MCRS1: variants seen among roughly 807,000 people sequenced by gnomAD.
The protein encoded by MCRS1 is 58 kDa microspherule protein.
In MCRS1, 22 loss-of-function variants were observed where a neutral mutation model predicts 62.9. That is an observed-to-expected ratio of 0.35 (90% CI 0.25 to 0.50). MCRS1 has a LOEUF of 0.50. Ranked by LOEUF, MCRS1 falls within the 20% of genes least tolerant of loss-of-function variation. The probability of loss-of-function intolerance (pLI) is 0.98; values close to 1 mark genes in which losing one functional copy is unlikely to be tolerated. For synonymous variants in MCRS1, 244 were observed against 233.5 expected (o/e 1.04, Z -0.41); for missense variants, 456 against 601.1 (o/e 0.76, Z 2.52).
Position 49,559,281 on chromosome 12 carries a change from G to C in MCRS1, c.1107C>G (p.Thr369=). 1 of 1,614,136 alleles carries C rather than the reference G, an allele frequency of 6.2e-7. No individual in the cohort carries two copies. The highest frequency in any genetic ancestry group is 1.1e-5 in the South Asian group (1 of 91,082). Residue 369 remains threonine, a synonymous_variant, in exon 13 of 15, where the codon ACC becomes ACG. Coordinates refer to ENST00000343810, the MANE Select transcript of MCRS1 (RefSeq NM_006337.5). The surrounding 1 kb of genome is among the most constrained non-coding windows in gnomAD (Gnocchi z 5.2). The stretch of plus-strand genomic sequence containing the variant: ...GGTCCACATCAATCTGGTTATCCTT[G>C]GTTGCTCTGCCCAGGGTGATCTGGG... ...RSREITLGRA[T]KDNQIDVDLS...
rs370815960 is a variant in MCRS1, at chr12:49,566,164, C to A, written c.62G>T (p.Arg21Leu). ...SSLMASGTAS[R>L]SEDEESLAGQ... ...TGCCAGTGACTCCTCATCCTCTGAGCGGCTGGCAGTGCCTGATGCCATCAG... is the reference window on the plus strand; with the variant it reads ...TGCCAGTGACTCCTCATCCTCTGAGAGGCTGGCAGTGCCTGATGCCATCAG... Residue 21 changes from arginine to leucine, a missense_variant, in exon 3 of 15, where the codon CGC becomes CTC. Coordinates refer to ENST00000343810, the MANE Select transcript of MCRS1 (RefSeq NM_006337.5). 1 of 1,614,156 alleles carries A rather than the reference C, an allele frequency of 6.2e-7. No homozygotes were observed. The highest frequency in any genetic ancestry group is 1.1e-5 in the South Asian group (1 of 91,082).
In MCRS1 at chr12:49,563,566, GA is replaced by G. The variant is rs1938890926; in HGVS notation, c.558-21del. 3 of 1,580,530 alleles carry G rather than the reference GA, an allele frequency of 1.9e-6. No homozygotes were observed. In the East Asian group the frequency reaches 6.7e-5, roughly 35 times the overall value. On this transcript the variant is annotated intron_variant, in intron 6 of 14. Coordinates refer to ENST00000343810, the MANE Select transcript of MCRS1 (RefSeq NM_006337.5). ...GCCAACCTGGACACGGAAAGAGACA[GA>G]GGGGAGGGGTGAAGGAAAGGTGTCA...
chr12:49,560,455 T>G (rs529863737), intron 8 of MCRS1, 85 bp from the exon 9 acceptor site: 15 of 1,245,826 alleles, frequency 1.2e-5, no homozygotes, highest in South Asian at 1.2e-4. Flanking sequence ...GTGGACCAGC[T>G]GCAGACTGCG....
chr12:49,558,316 C>T lies in MCRS1; in HGVS notation c.*327G>A. 2.5e-6 allele frequency: 1 copy of T among 403,682 alleles called. No homozygotes were observed. The highest frequency in any genetic ancestry group is 4.4e-6 in the Non-Finnish European group (1 of 229,776). The allele number at this position is 403,682 out of a possible 1,614,324, so 25.0% of individuals were successfully genotyped here. On this transcript the variant is annotated 3_prime_UTR_variant, in exon 15 of 15. Transcript: ENST00000343810. ...AAATAAACTACTTTGGAACCTGGTG[C>T]TTTTTATTTACAAAAGAAAAACAAT...
chr12:49,560,339 C>G lies in MCRS1; in HGVS notation c.837G>C (p.Leu279=). 3 of 1,614,226 alleles carry G rather than the reference C, an allele frequency of 1.9e-6. No individual in the cohort carries two copies. The highest frequency in any genetic ancestry group is 2.5e-6 in the Non-Finnish European group (3 of 1,180,038). ...TCAGGTCCTCTGCATCAGAGAAGTT[C>G]AGCACTTGGTCCCCTTTGGGCAGCG... is the stretch of plus-strand genomic sequence containing the variant. ...VQPLPKGDQV[L]NFSDAEDLID... Residue 279 remains leucine, a synonymous_variant, in exon 9 of 15, where the codon CTG becomes CTC. Coordinates refer to ENST00000343810, the MANE Select transcript of MCRS1 (RefSeq NM_006337.5).
chr12:49,562,510 G>T (rs942958687), intron 8 of MCRS1, among the ~76,000 whole-genome samples: 1 of 152,142 alleles, frequency 6.6e-6, no homozygotes, highest in South Asian at 2.1e-4. Flanking sequence ...CAGCACTAAC[G>T]GCCTAGTGGG....
chr12:49,559,004 A>C lies in MCRS1; in HGVS notation c.1175-34T>G. The C allele has an allele frequency of 1.2e-6, 2 of 1,600,062 alleles. No individual in the cohort carries two copies. The highest frequency in any genetic ancestry group is 3.3e-4 in the Middle Eastern group (2 of 6,006). On this transcript the variant is annotated intron_variant, in intron 13 of 14. Transcript: ENST00000343810. This position sits in a 1 kb window ranked among gnomAD's most constrained non-coding sequence, Gnocchi z 5.2. ...GCAGAAAGAAAGAAGGGATGATGGG[A>C]TGGGGAGGGATTGATGGGATGGGGA...
chr12:49,563,356 G>T, intron 7 of MCRS1, 82 bp downstream of exon 7: 4 of 1,418,426 alleles, frequency 2.8e-6, no homozygotes, highest in Non-Finnish European at 2.9e-6. Context: ...AGTGGGTGGG[G>T]AGCTCTCCAC....
Position 49,566,838 on chromosome 12 carries a change from G to C in MCRS1, c.-107C>G, listed in dbSNP as rs1318814611. On this transcript the variant is annotated 5_prime_UTR_variant, in exon 2 of 15. In the 5' UTR this introduces an upstream ATG that the reference lacks. Transcript: ENST00000343810. ...CAGGTGAGCTTAAAGGCTGAGAGGA[G>C]ATTCTGCAAAGGAGAAATGAGGCTC... 3.4e-6 allele frequency: 5 copies of C among 1,456,600 alleles called. No homozygotes were observed. In the East Asian group the frequency reaches 9.7e-5, roughly 28 times the overall value. The allele number at this position is 1,456,600 out of a possible 1,614,324, so 90.2% of individuals were successfully genotyped here.
Position 49,566,199 on chromosome 12 carries a change from T to C in MCRS1, c.27A>G (p.Leu9=), listed in dbSNP as rs773768289. The change falls in exon 3 of 15, where the codon CTA becomes CTG. Residue 9 remains leucine (L), a synonymous_variant. Transcript: ENST00000343810. The stretch of plus-strand genomic sequence containing the variant: ...TGCCTGATGCCATCAGGGATGAATC[T>C]AGCAGCCCCTGAGAATCTAGCAAGA... MDKDSQGL[L]DSSLMASGTA... 1.2e-6 allele frequency: 2 copies of C among 1,613,298 alleles called. No individual in the cohort carries two copies. Among genetic ancestry groups the C allele is most frequent in the East Asian group, 4.5e-5 (2 of 44,864 alleles).
At chr12:49,562,777 A>C (rs911438676) in intron 8 of MCRS1, among the ~76,000 whole-genome samples, 2 of 152,222 alleles carry the variant, frequency 1.3e-5, no homozygotes, top group African/African-American at 4.8e-5. Flanking sequence ...CTTTTGCCAA[A>C]GATTCCAGGC....
At chr12:49,567,468 C>G (rs1939122111) in intron 1 of MCRS1, among the ~76,000 whole-genome samples, 1 of 152,066 alleles carries the variant, frequency 6.6e-6, no homozygotes, top group African/African-American at 2.4e-5. Flanking sequence ...GGGCGCTCCT[C>G]TCGTGAGTCC....
At position 49,566,844 on chromosome 12, in the gene MCRS1, G is replaced by A; in HGVS notation, c.-110-3C>T. The stretch of plus-strand genomic sequence containing the variant: ...AGCTTAAAGGCTGAGAGGAGATTCT[G>A]CAAAGGAGAAATGAGGCTCCCTGAG... On this transcript the variant is annotated splice_polypyrimidine_tract_variant and splice_region_variant and intron_variant, in intron 1 of 14. Coordinates refer to ENST00000343810, the MANE Select transcript of MCRS1 (RefSeq NM_006337.5). 2.1e-6 allele frequency: 3 copies of A among 1,425,558 alleles called. No homozygotes were observed. The highest frequency in any genetic ancestry group is 2.9e-6 in the Non-Finnish European group (3 of 1,037,028). The allele number at this position is 1,425,558 out of a possible 1,614,324, so 88.3% of individuals were successfully genotyped here.
chr12:49,560,092 C>T, intron 9 of MCRS1, 125 bp from the exon 10 acceptor site: 1 of 1,363,698 alleles, frequency 7.3e-7, no homozygotes, highest in Non-Finnish European at 1.0e-6. Flanking sequence ...GGCCTTGGCC[C>T]AGCCTCCTTC....
At chr12:49,562,094 T>C (rs770512160) in intron 8 of MCRS1, among the ~76,000 whole-genome samples, 16 of 152,174 alleles carry the variant, frequency 1.1e-4, no homozygotes, top group Non-Finnish European at 2.1e-4. Flanking sequence ...CAGAGGTCCT[T>C]AGGAACGGAA....
chr12:49,560,481 A>T, intron 8 of MCRS1, 111 bp from the exon 9 acceptor site: 1 of 938,410 alleles, frequency 1.1e-6, no homozygotes, highest in Admixed American at 1.8e-5. Context: ...TGGAGAGCCC[A>T]GCACCAGCAA....
At position 49,559,461 on chromosome 12, in the gene MCRS1, A is replaced by G; in HGVS notation, c.1078T>C (p.Ser360Pro). 2 of 1,613,860 alleles carry G rather than the reference A, an allele frequency of 1.2e-6. No homozygotes were observed. The highest frequency in any genetic ancestry group is 1.7e-6 in the Non-Finnish European group (2 of 1,180,028). ...RGRMVRYLMR[S>P]REITLGRATK... The stretch of plus-strand genomic sequence containing the variant: ...GGATGGGCCTGCCTCACCTCACGCG[A>G]GCGCATCAGGTACCGCACCATGCGG... The change falls in exon 12 of 15, where the codon TCG becomes CCG. Residue 360 changes from serine to proline, a missense_variant. Physicochemically the swap from Ser to Pro is moderately conservative, Grantham distance 74 (BLOSUM62 -1). Around this residue, in one of 3 missense-constraint regions of MCRS1, gnomAD observed 393 missense variants for 523.5 expected, o/e 0.75. Transcript: ENST00000343810. This position sits in a 1 kb window ranked among gnomAD's most constrained non-coding sequence, Gnocchi z 5.2.
At position 49,559,045 on chromosome 12, in the gene MCRS1, C is replaced by G; in HGVS notation, c.1175-75G>C. The G allele has an allele frequency of 6.3e-7, 1 of 1,589,974 alleles. No homozygotes were observed. Among genetic ancestry groups the G allele is most frequent in the Non-Finnish European group, 8.6e-7 (1 of 1,163,988 alleles). ...GGGATGGGGAAAGGCCAGAGAGAGC[C>G]AGGAGCTTCCATGGACCAGCTCTGC... On this transcript the variant is annotated intron_variant, in intron 13 of 14. Coordinates refer to ENST00000343810, the MANE Select transcript of MCRS1 (RefSeq NM_006337.5). The surrounding 1 kb of genome is among the most constrained non-coding windows in gnomAD (Gnocchi z 5.2).
rs773904964 is a variant in MCRS1, at chr12:49,564,783, C to T, written c.401G>A (p.Arg134His). The change falls in exon 5 of 15, where the codon CGC becomes CAC. Residue 134 changes from arginine to histidine, a missense_variant. By Grantham distance (29) the Arg-to-His change is conservative. Transcript: ENST00000343810. ...QPLQVTKDLG[R>H]WKPADDLLLI... ...CAGGAGGTCATCTGCAGGCTTCCAG[C>T]GGCCCAGATCCTTGGTCACCTGAAG... 2.5e-6 allele frequency: 4 copies of T among 1,613,770 alleles called. No homozygotes were observed. The highest frequency in any genetic ancestry group is 1.7e-5 in the Admixed American group (1 of 59,982).
Sources: allele counts gnomAD v4.1 joint callset (sites outside exome capture counted in the v4.1 genomes callset), GRCh38; gene constraint gnomAD v4.1.1; regional missense constraint gnomAD v4.1.1; non-coding constraint Gnocchi (gnomAD v3.1); transcripts MANE v1.5; gene names NCBI Gene and HGNC (gene_info 2026-07-23, HGNC 2026-07-21).